SERPINB8: variants seen among roughly 807,000 people sequenced by gnomAD.
The protein encoded by SERPINB8 is serpin B8.
A neutral mutation model predicts 35.3 loss-of-function variants in SERPINB8; 25 were observed. That is an observed-to-expected ratio of 0.71 (90% CI 0.52 to 0.99). The LOEUF is 0.99. SERPINB8 is among the 50% of genes least tolerant of loss of function. The probability of loss-of-function intolerance (pLI) is 0.00; values close to 1 mark genes in which losing one functional copy is unlikely to be tolerated. For synonymous variants in SERPINB8, 186 were observed against 160.8 expected (o/e 1.16, Z -1.19); for missense variants, 484 against 446.5 (o/e 1.08, Z -0.76).
At chr18:64,019,567 C>T (rs1024713976) in exon 8 of SERPINB8, 1 of 152,074 alleles carries the variant, frequency 6.6e-6, no homozygotes, top group Non-Finnish European at 1.5e-5. Context: ...CTCTCTTTCA[C>T]GTTATATAAG....
rs1555716935 is a variant in SERPINB8, at chr18:64,001,475, G to GTTTGTTTATTTATTTATTTA, written c.71-3341_71-3340insGTTTATTTATTTATTTATTT. 7.0e-3 allele frequency among the ~76,000 whole-genome samples: 1,021 copies of GTTTGTTTATTTATTTATTTA among 146,896 alleles called. 15 individuals are homozygous for GTTTGTTTATTTATTTATTTA. Among genetic ancestry groups the GTTTGTTTATTTATTTATTTA allele is most frequent in the African/African-American group, 0.022 (854 of 38,040 alleles). ...TCTTTTCTTTTCTGTTTGTTTGTTT[G>GTTTGTTTATTTATTTATTTA]TTTATTTATTTATTTATTTATTTAT... On this transcript the variant is annotated intron_variant, in intron 1 of 1. Coordinates refer to the SERPINB8 transcript ENST00000493661.
chr18:64,015,974 A>G (rs1470116786), intron 7 of SERPINB8, among the ~76,000 whole-genome samples: 1 of 152,232 alleles, frequency 6.6e-6, no homozygotes, highest in Non-Finnish European at 1.5e-5. Flanking sequence ...CGCCTGCCAC[A>G]GGGCTCAGTG....
chr18:64,003,608 A>G (rs2050886570), intron 1 of SERPINB8, among the ~76,000 whole-genome samples: 2 of 151,764 alleles, frequency 1.3e-5, no homozygotes, highest in African/African-American at 4.8e-5. Flanking sequence ...GAGAAGTGCT[A>G]AGATCTGCAG....
chr18:64,007,090 G>GA (rs1568080998), downstream of SERPINB8, among the ~76,000 whole-genome samples: 1 of 151,456 alleles, frequency 6.6e-6, no homozygotes, highest in African/African-American at 2.4e-5. Flanking sequence ...TAACTGCAAT[G>GA]AAAAAAATAC....
intron 4 of SERPINB8, 83 bp from the exon 5 acceptor site, chr18:63,983,496 C>G (rs1191603144): frequency 1.3e-5 from 18 of 1,357,730 alleles, no homozygotes; most frequent in Non-Finnish European, 1.9e-5. Flanking sequence ...TCAACCAAGC[C>G]TCTGCCTTAT....
At position 63,981,834 on chromosome 18, in the gene SERPINB8, T is replaced by C. The variant is rs1183192483; in HGVS notation, c.420T>C (p.Thr140=). ...KHINDWVAEK[T]EGKISEVLDA... ...TAAATGACTGGGTGGCAGAGAAGAC[T>C]GAAGGTGAGACAGTTTCATTTCTGT... The change falls in exon 4 of 7, where the codon ACT becomes ACC. Residue 140 remains threonine (T), a synonymous_variant. Transcript: ENST00000397985. The C allele has an allele frequency of 6.3e-7, 1 of 1,598,482 alleles. No individual in the cohort carries two copies. Among genetic ancestry groups the C allele is most frequent in the South Asian group, 1.1e-5 (1 of 90,440 alleles).
At position 63,986,335 on chromosome 18, in the gene SERPINB8, T is replaced by G. The variant is rs1455666034; in HGVS notation, c.721-539T>G. 3 of 1,602,674 alleles carry G rather than the reference T, an allele frequency of 1.9e-6. No individual in the cohort carries two copies. In the African/African-American group the frequency reaches 4.0e-5, roughly 22 times the overall value. The stretch of plus-strand genomic sequence containing the variant: ...ACAAACAAGGATGCTGATGAAGTCT[T>G]CTTGCATTCCCCATTTCTCGTCTCA... On this transcript the variant is annotated intron_variant, in intron 6 of 6. Coordinates refer to ENST00000397985, the MANE Select transcript of SERPINB8 (RefSeq NM_002640.4).
chr18:64,007,863 G>T (rs141560325), downstream of SERPINB8, among the ~76,000 whole-genome samples: 1 of 152,038 alleles, frequency 6.6e-6, no homozygotes, highest in Non-Finnish European at 1.5e-5. Context: ...AGATTTGGGC[G>T]GGAACACAGA....
intron 5 of SERPINB8, among the ~76,000 whole-genome samples, chr18:63,984,035 T>G (rs1391069885): frequency 1.3e-5 from 2 of 152,006 alleles, no homozygotes; most frequent in African/African-American, 2.4e-5. Flanking sequence ...TTTGTAGAGA[T>G]AAGGTTTTGT....
intron 1 of SERPINB8, among the ~76,000 whole-genome samples, chr18:64,002,120 G>A (rs955415825): frequency 3.9e-5 from 6 of 152,084 alleles, no homozygotes; most frequent in East Asian, 1.9e-4. Context: ...GATAGAGGAC[G>A]TAGCAGTGTC....
At position 63,987,197 on chromosome 18, in the gene SERPINB8, T is replaced by A; in HGVS notation, c.1044T>A (p.Cys348Ter). 6.2e-7 allele frequency: 1 copy of A among 1,614,196 alleles called. No individual in the cohort carries two copies. The highest frequency in any genetic ancestry group is 8.5e-7 in the Non-Finnish European group (1 of 1,180,022). ...SRCSRMEPRF[C>*]ADHPFLFFIR... ...GCAGCAGAATGGAGCCAAGATTCTG[T>A]GCAGACCACCCTTTTCTTTTCTTCA... The change falls in exon 7 of 7, where the codon TGT (cysteine) becomes TGA (stop). Residue 348 changes from cysteine (C) to a stop codon, truncating the protein, a stop_gained. Transcript: ENST00000397985. LOFTEE classifies it high-confidence loss of function.
At chr18:64,010,221 A>G (rs1185695825), downstream of SERPINB8, among the ~76,000 whole-genome samples, 1 of 152,186 alleles carries the variant, frequency 6.6e-6, no homozygotes, top group African/African-American at 2.4e-5. Flanking sequence ...AAACTAAAAT[A>G]GAAATTAGAG....
intron 1 of SERPINB8, among the ~76,000 whole-genome samples, chr18:63,998,325 C>T (rs2050859468): frequency 6.6e-6 from 1 of 152,180 alleles, no homozygotes; most frequent in Admixed American, 6.5e-5. Context: ...TCTCTGGCTT[C>T]CTGAATACAT....
chr18:64,008,298 AATGGC>A (rs2050909689), downstream of SERPINB8, among the ~76,000 whole-genome samples: 1 of 152,284 alleles, frequency 6.6e-6, no homozygotes, highest in Non-Finnish European at 1.5e-5. Flanking sequence ...GCTGGAGTGC[AATGGC>A]ATGATCTCGG....
At chr18:63,974,603 T>C (rs1035955015) in intron 1 of SERPINB8, among the ~76,000 whole-genome samples, 3 of 152,236 alleles carry the variant, frequency 2.0e-5, no homozygotes, top group African/African-American at 7.2e-5. Context: ...AAACTTCTGA[T>C]TCCTGTGTTT....
At chr18:63,999,025 G>A (rs556425266) in intron 1 of SERPINB8, among the ~76,000 whole-genome samples, 68 of 152,250 alleles carry the variant, frequency 4.5e-4, no homozygotes, top group African/African-American at 1.6e-3. Context: ...CTCATGGCAC[G>A]GGACAGACTG....
Position 63,978,313 on chromosome 18 carries a change from A to G in SERPINB8, c.5A>G (p.Asp2Gly). 6.2e-7 allele frequency: 1 copy of G among 1,614,154 alleles called. No individual in the cohort carries two copies. Among genetic ancestry groups the G allele is most frequent in the African/African-American group, 1.3e-5 (1 of 75,034 alleles). ...CTTTGATGCAGACCTTCTCTGATGG[A>G]TGACCTCTGTGAAGCAAATGGCACT... MDDLCEANGTFA... is the reference protein window; with the variant it reads MGDLCEANGTFA... Residue 2 changes from aspartate (D) to glycine (G), a missense_variant, in exon 2 of 7, where the codon GAT becomes GGT. By Grantham distance (94) the Asp-to-Gly change is moderately conservative (BLOSUM62 -1). Coordinates refer to ENST00000397985, the MANE Select transcript of SERPINB8 (RefSeq NM_002640.4).
chr18:63,973,231 C>G (rs2050521562), intron 1 of SERPINB8, among the ~76,000 whole-genome samples: 2 of 152,228 alleles, frequency 1.3e-5, no homozygotes, highest in South Asian at 4.1e-4. Flanking sequence ...TTGCATTTCT[C>G]TGATGACCAG....
At chr18:64,007,261 C>T (rs1232443613), downstream of SERPINB8, among the ~76,000 whole-genome samples, 3 of 151,738 alleles carry the variant, frequency 2.0e-5, no homozygotes, top group Non-Finnish European at 4.4e-5. Context: ...GTATAATTTA[C>T]AAAACCAAAT....
Sources: gnomAD v4.1 joint callset for allele counts (sites outside exome capture counted in the v4.1 genomes callset) on GRCh38, gnomAD v4.1.1 for gene constraint, MANE v1.5 for transcripts, NCBI Gene and HGNC (gene_info 2026-07-23, HGNC 2026-07-21) for gene names.